The following DIP2C variants were observed in gnomAD, a reference collection of about 807,000 sequenced individuals.
The protein encoded by DIP2C is DIP2 acetate--CoA ligase C (putative).
Under a neutral mutation model 192.4 loss-of-function variants are expected in DIP2C, and 33 were observed. The observed-to-expected ratio is 0.17, with a 90% confidence interval of 0.13 to 0.23. The LOEUF (loss-of-function observed/expected upper bound fraction) is 0.23, where lower values mean the gene tolerates loss of function less well. Among genes scored for constraint, DIP2C ranks in the 10% least tolerant of loss-of-function variants. The pLI is 1.00. For synonymous variants in DIP2C, 979 were observed against 864.1 expected (o/e 1.13, Z -2.33); for missense variants, 1,537 against 2,110.1 (o/e 0.73, Z 5.32).
chr10:300,581 G>A (rs1741838352), intron 32 of DIP2C, among the ~76,000 whole-genome samples: 1 of 152,156 alleles, frequency 6.6e-6, no homozygotes, highest in African/African-American at 2.4e-5. Flanking sequence ...TGGAGAAACC[G>A]GAAACCAGGC....
At chr10:598,772 G>T (rs1355221003) in intron 1 of DIP2C, among the ~76,000 whole-genome samples, 1 of 152,188 alleles carries the variant, frequency 6.6e-6, no homozygotes, top group Non-Finnish European at 1.5e-5. Flanking sequence ...ATCTGAATGT[G>T]GTCTGAAGGC....
At chr10:432,779 A>T (rs919116425) in intron 4 of DIP2C, among the ~76,000 whole-genome samples, 2 of 152,196 alleles carry the variant, frequency 1.3e-5, no homozygotes, top group African/African-American at 4.8e-5. Context: ...ATATGCATTT[A>T]AAGCTATAAA....
intron 1 of DIP2C, among the ~76,000 whole-genome samples, chr10:489,161 A>T (rs1376242432): frequency 1.3e-5 from 2 of 152,134 alleles, no homozygotes; most frequent in Non-Finnish European, 2.9e-5. Context: ...ATGGCTCACA[A>T]ACTCCTGCTA....
intron 1 of DIP2C, among the ~76,000 whole-genome samples, chr10:597,480 G>A (rs964640146): frequency 1.3e-5 from 2 of 152,220 alleles, no homozygotes; most frequent in Admixed American, 1.3e-4. Flanking sequence ...AAAGGTGAAT[G>A]GAGACCTGGT....
chr10:308,228 G>T (rs190026273), intron 32 of DIP2C, among the ~76,000 whole-genome samples: 1 of 149,544 alleles, frequency 6.7e-6, no homozygotes, highest in Non-Finnish European at 1.5e-5. Context: ...AGCTCCCCTC[G>T]GCACTGCTCA....
intron 1 of DIP2C, among the ~76,000 whole-genome samples, chr10:580,557 C>T (rs1478511723): frequency 6.6e-6 from 1 of 152,026 alleles, no homozygotes; most frequent in African/African-American, 2.4e-5. Context: ...CCATAGCATG[C>T]ACACATGTAG....
chr10:297,725 A>G (rs1445078188), intron 32 of DIP2C, among the ~76,000 whole-genome samples: 1 of 152,190 alleles, frequency 6.6e-6, no homozygotes, highest in Non-Finnish European at 1.5e-5. Context: ...GCTGGCTGGG[A>G]AGAATACGTT....
At chr10:469,150 T>C (rs1970437995) in intron 3 of DIP2C, among the ~76,000 whole-genome samples, 1 of 152,018 alleles carries the variant, frequency 6.6e-6, no homozygotes, top group Non-Finnish European at 1.5e-5. Context: ...AAGCTGGACA[T>C]CTCGGAGTCA....
intron 17 of DIP2C, among the ~76,000 whole-genome samples, chr10:379,890 C>A (rs990518909): frequency 5.3e-5 from 8 of 151,944 alleles, no homozygotes; most frequent in African/African-American, 1.9e-4. Flanking sequence ...GGTTAACGTG[C>A]AGAAGAGGCT....
chr10:464,349 T>A (rs746385929), intron 3 of DIP2C, among the ~76,000 whole-genome samples: 1 of 151,236 alleles, frequency 6.6e-6, no homozygotes, highest in Non-Finnish European at 1.5e-5. Flanking sequence ...CAGACACTTC[T>A]CAAAAGAAGA....
At chr10:326,325 G>A in intron 31 of DIP2C, among the ~76,000 whole-genome samples, 1 of 152,112 alleles carries the variant, frequency 6.6e-6, no homozygotes, top group Non-Finnish European at 1.5e-5. Context: ...AAGGGCAGAG[G>A]GAGCCTTCGG....
chr10:330,970 C>T (rs1172402883), intron 29 of DIP2C, among the ~76,000 whole-genome samples: 4 of 135,006 alleles, frequency 3.0e-5, no homozygotes, highest in African/African-American at 1.1e-4. Context: ...CAACACTATG[C>T]CTGGCTAATT....
chr10:353,847 TTTCTTC>T (rs563398013), intron 24 of DIP2C, among the ~76,000 whole-genome samples: 1 of 152,230 alleles, frequency 6.6e-6, no homozygotes, highest in East Asian at 1.9e-4. Flanking sequence ...GAATTTCATG[TTTCTTC>T]TTCCTTTTTA....
At chr10:431,819 C>CT (rs1304745727) in intron 4 of DIP2C, among the ~76,000 whole-genome samples, 4 of 152,202 alleles carry the variant, frequency 2.6e-5, no homozygotes, top group African/African-American at 9.6e-5. Context: ...TCCTGATCCC[C>CT]TTTCCGGATC....
At chr10:571,736 G>A (rs548302209) in intron 1 of DIP2C, among the ~76,000 whole-genome samples, 2 of 152,310 alleles carry the variant, frequency 1.3e-5, no homozygotes, top group African/African-American at 4.8e-5. Flanking sequence ...TCCACTCAGT[G>A]TCCTCACGGC....
intron 18 of DIP2C, 136 bp downstream of exon 18, chr10:369,358 G>A: frequency 8.7e-7 from 1 of 1,153,006 alleles, no homozygotes; most frequent in Middle Eastern, 2.7e-4. Context: ...AAAGACTTCA[G>A]AAGACTGGGA....
At chr10:304,083 A>G (rs1956192734) in intron 32 of DIP2C, among the ~76,000 whole-genome samples, 1 of 152,178 alleles carries the variant, frequency 6.6e-6, no homozygotes, top group Non-Finnish European at 1.5e-5. Flanking sequence ...TATAGAGAAT[A>G]TGCTCTAAGA....
At position 338,429 on chromosome 10, in the gene DIP2C, T is replaced by G. The variant is rs551708118; in HGVS notation, c.3584+2770A>C. ...CATGGGAAATGCCCTACACAGTTTT[T>G]TTTTTTTTTTCCCACCTTCTATACC... On this transcript the variant is annotated intron_variant, in intron 29 of 36. Coordinates refer to ENST00000280886, the MANE Select transcript of DIP2C (RefSeq NM_014974.3). Among the ~76,000 whole-genome samples the G allele has an allele frequency of 1.8e-4, 27 of 151,922 alleles. 1 individual carries two copies. The highest frequency in any genetic ancestry group is 1.3e-3 in the South Asian group (6 of 4,614).
intron 9 of DIP2C, among the ~76,000 whole-genome samples, chr10:400,537 A>T (rs979757919): frequency 2.6e-5 from 4 of 152,050 alleles, no homozygotes; most frequent in African/African-American, 9.7e-5. Context: ...TCATCAGCAC[A>T]TGAATCCTGT....
Sources: gnomAD v4.1 joint callset for allele counts (sites outside exome capture counted in the v4.1 genomes callset) on GRCh38, gnomAD v4.1.1 for gene constraint, MANE v1.5 for transcripts, NCBI Gene and HGNC (gene_info 2026-07-23, HGNC 2026-07-21) for gene names.